Variants in C5orf46 observed in about 807,000 individuals in gnomAD.
The protein encoded by C5orf46 is chromosome 5 open reading frame 46, also known as uncharacterized protein C5orf46.
In C5orf46, 9 loss-of-function variants were observed where a neutral mutation model predicts 8.9. The ratio of observed to expected loss-of-function variants is 1.01; its 90% CI spans 0.61 to 1.76. C5orf46 has a LOEUF of 1.76. Ranked by LOEUF, C5orf46 falls within the 40% of genes most tolerant of loss-of-function variation. The pLI is 0.00. For synonymous variants in C5orf46, 47 were observed against 41.4 expected (o/e 1.14, Z -0.52); for missense variants, 98 against 107.8 (o/e 0.91, Z 0.40).
At chr5:147,903,164 C>T (rs1757697841) in intron 1 of C5orf46, among the ~76,000 whole-genome samples, 1 of 152,110 alleles carries the variant, frequency 6.6e-6, no homozygotes, top group Non-Finnish European at 1.5e-5. Flanking sequence ...ATGTGGTCGC[C>T]CCTCTGAGCC....
chr5:147,904,785 C>T (rs926083682), intron 1 of C5orf46, among the ~76,000 whole-genome samples: 1 of 151,424 alleles, frequency 6.6e-6, no homozygotes. Context: ...TCTCAGTTTC[C>T]TCATATGTTG....
intron 3 of C5orf46, among the ~76,000 whole-genome samples, chr5:147,896,133 A>G (rs1250676156): frequency 2.0e-5 from 3 of 152,178 alleles, no homozygotes; most frequent in South Asian, 4.1e-4. Context: ...TAGCTTAATC[A>G]TTATTCTCCA....
intron 2 of C5orf46, among the ~76,000 whole-genome samples, chr5:147,897,308 T>C (rs1344892340): frequency 2.6e-5 from 4 of 152,228 alleles, no homozygotes; most frequent in African/African-American, 7.2e-5. Context: ...TTGGTATATT[T>C]TTCCAGTAAT....
chr5:147,888,756 A>G (rs191496820), downstream of C5orf46, among the ~76,000 whole-genome samples: 491 of 152,234 alleles, frequency 3.2e-3, 3 homozygotes, highest in African/African-American at 0.011. Context: ...GGATTATCTG[A>G]TGATTTTTTG....
At chr5:147,893,907 A>T (rs6884471) in intron 3 of C5orf46, among the ~76,000 whole-genome samples, 4,997 of 142,852 alleles carry the variant, frequency 0.035, 264 homozygotes, top group African/African-American at 0.12. Context: ...GGGAAGGCAT[A>T]TTTTTTTTTT....
intron 1 of C5orf46, among the ~76,000 whole-genome samples, chr5:147,902,592 G>T (rs1421852220): frequency 6.6e-6 from 1 of 152,122 alleles, no homozygotes; most frequent in Non-Finnish European, 1.5e-5. Context: ...CCAATTTAAA[G>T]GTAAAGTAAT....
chr5:147,896,918 G>A lies in C5orf46; in HGVS notation c.*9+66C>T, dbSNP rs536958146. 8.6e-6 allele frequency: 6 copies of A among 697,608 alleles called. No homozygotes were observed. The African/African-American group carries it at 9.3e-5, about 11-fold the overall frequency. The allele number at this position is 697,608 out of a possible 1,614,324, so 43.2% of individuals were successfully genotyped here. ...TAACCAAAATTATTAAATAAAACTG[G>A]ACAGACTCTTTTTCCTTTGTCCAAT... On this transcript the variant is annotated intron_variant, in intron 3 of 3. Transcript: ENST00000318315.
At chr5:147,895,347 C>A (rs1195036685) in intron 3 of C5orf46, among the ~76,000 whole-genome samples, 1 of 152,112 alleles carries the variant, frequency 6.6e-6, no homozygotes, top group Non-Finnish European at 1.5e-5. Flanking sequence ...ATATTACAAC[C>A]CTAGATTGAG....
intron 2 of C5orf46, among the ~76,000 whole-genome samples, chr5:147,897,612 T>A (rs1258797916): frequency 6.6e-6 from 1 of 152,190 alleles, no homozygotes; most frequent in African/African-American, 2.4e-5. Flanking sequence ...TGCAGTCTAG[T>A]GGAGAAAACA....
downstream of C5orf46, among the ~76,000 whole-genome samples, chr5:147,891,217 T>A (rs1298247004): frequency 6.6e-6 from 1 of 152,184 alleles, no homozygotes; most frequent in East Asian, 1.9e-4. Context: ...CCTAATTCAC[T>A]TCAATCGCAT....
chr5:147,906,217 A>G (rs1221164034), intron 1 of C5orf46, among the ~76,000 whole-genome samples: 1 of 152,250 alleles, frequency 6.6e-6, no homozygotes, highest in African/African-American at 2.4e-5. Flanking sequence ...AAAAAATTTC[A>G]AACTTCATAC....
At chr5:147,887,694 A>G (rs1757442722) in intron 2 of C5orf46, 3 of 152,216 alleles carry the variant, frequency 2.0e-5, no homozygotes, top group Admixed American at 2.0e-4. Flanking sequence ...ATTATAAGTT[A>G]TGATAATAAC....
chr5:147,898,742 C>G (rs1321550853), intron 2 of C5orf46, among the ~76,000 whole-genome samples: 1 of 152,032 alleles, frequency 6.6e-6, no homozygotes, highest in Non-Finnish European at 1.5e-5. Flanking sequence ...CAGGAAAATA[C>G]ATCATGGAAC....
chr5:147,904,846 C>T (rs533924569), intron 1 of C5orf46, among the ~76,000 whole-genome samples: 1 of 149,306 alleles, frequency 6.7e-6, no homozygotes, highest in Non-Finnish European at 1.5e-5. Flanking sequence ...TATATACACA[C>T]ACATACATAT....
At chr5:147,891,348 T>A (rs898223999), downstream of C5orf46, among the ~76,000 whole-genome samples, 4 of 152,130 alleles carry the variant, frequency 2.6e-5, no homozygotes, top group East Asian at 7.7e-4. Flanking sequence ...AAGACATGGG[T>A]CTTATTGGAG....
chr5:147,900,229 G>A (rs1757646094), intron 2 of C5orf46, among the ~76,000 whole-genome samples: 1 of 152,052 alleles, frequency 6.6e-6, no homozygotes, highest in African/African-American at 2.4e-5. Context: ...AGTTGCAAAA[G>A]CAACCACAGT....
intron 1 of C5orf46, among the ~76,000 whole-genome samples, chr5:147,906,110 A>C (rs1457150646): frequency 6.6e-6 from 1 of 152,230 alleles, no homozygotes; most frequent in Non-Finnish European, 1.5e-5. Context: ...ATTCTTCACC[A>C]ATGAACATTA....
At chr5:147,901,060 T>C (rs938841325) in intron 2 of C5orf46, among the ~76,000 whole-genome samples, 4 of 152,184 alleles carry the variant, frequency 2.6e-5, no homozygotes, top group African/African-American at 7.2e-5. Context: ...GTTCTCTAGA[T>C]TGTCTTTAAA....
chr5:147,903,843 G>C (rs111306910), intron 1 of C5orf46, among the ~76,000 whole-genome samples: 3,144 of 152,240 alleles, frequency 0.021, 87 homozygotes, highest in East Asian at 0.11. Flanking sequence ...AACGTCCTGG[G>C]CTCAAGACAT....
Sources: allele counts gnomAD v4.1 joint callset (sites outside exome capture counted in the v4.1 genomes callset), GRCh38; gene constraint gnomAD v4.1.1; transcripts MANE v1.5; gene names NCBI Gene and HGNC (gene_info 2026-07-23, HGNC 2026-07-21).